The following ADAMTSL1 variants were observed in gnomAD, a reference collection of about 807,000 sequenced individuals.
The protein encoded by ADAMTSL1 is ADAMTS like 1, also known as ADAMTS-like protein 1.
In ADAMTSL1, 126 loss-of-function variants were observed where a neutral mutation model predicts 201.8. The ratio of observed to expected loss-of-function variants is 0.62; its 90% CI spans 0.54 to 0.72. ADAMTSL1 has a LOEUF of 0.72. Among genes scored for constraint, ADAMTSL1 ranks in the 30% least tolerant of loss-of-function variants. The probability of loss-of-function intolerance (pLI) is 0.00; values close to 1 mark genes in which losing one functional copy is unlikely to be tolerated. For missense variants in ADAMTSL1, 2,679 were observed against 2,277.8 expected, an observed-to-expected ratio of 1.18 and a Z score of -3.59; for synonymous variants, 1,121 against 903.4, an observed-to-expected ratio of 1.24 and a Z score of -4.32.
At chr9:18,126,287 A>ATCTTCTTCCCAGATTCT (rs1423510473) in intron 1 of ADAMTSL1, among the ~76,000 whole-genome samples, 4 of 152,246 alleles carry the variant, frequency 2.6e-5, no homozygotes, top group African/African-American at 9.6e-5. Flanking sequence ...CAGATCAAGT[A>ATCTTCTTCCCAGATTCT]TCCCAGAATC....
chr9:18,004,460 A>C (rs1001168455), intron 1 of ADAMTSL1, among the ~76,000 whole-genome samples: 6 of 152,032 alleles, frequency 3.9e-5, no homozygotes, highest in Admixed American at 2.6e-4. Context: ...GTGAAGGCAC[A>C]GAATGATGTG....
intron 1 of ADAMTSL1, among the ~76,000 whole-genome samples, chr9:18,013,417 C>T (rs889764823): frequency 6.6e-6 from 1 of 151,942 alleles, no homozygotes; most frequent in African/African-American, 2.4e-5. Flanking sequence ...ATGCATACAG[C>T]ATGAGAGATG....
intron 13 of ADAMTSL1, among the ~76,000 whole-genome samples, chr9:18,695,009 T>C (rs1365238167): frequency 6.6e-6 from 1 of 152,246 alleles, no homozygotes; most frequent in Admixed American, 6.5e-5. Context: ...GGCTCATGGC[T>C]TGCACCTTCT....
At chr9:18,644,995 G>C (rs1202718220) in intron 7 of ADAMTSL1, among the ~76,000 whole-genome samples, 2 of 152,040 alleles carry the variant, frequency 1.3e-5, no homozygotes, top group African/African-American at 2.4e-5. Context: ...CTAGTTTACA[G>C]TCCCACCAAC....
intron 2 of ADAMTSL1, among the ~76,000 whole-genome samples, chr9:18,367,037 A>G (rs1273021338): frequency 6.6e-6 from 1 of 152,194 alleles, no homozygotes; most frequent in Non-Finnish European, 1.5e-5. Context: ...CCAAGTATTT[A>G]AATAGTAACA....
intron 2 of ADAMTSL1, among the ~76,000 whole-genome samples, chr9:18,402,994 A>T (rs1818043060): frequency 6.6e-6 from 1 of 152,100 alleles, no homozygotes; most frequent in Non-Finnish European, 1.5e-5. Context: ...TTTCTAGATG[A>T]GGAAGCCAGG....
At chr9:18,465,940 G>A (rs1820988390) in intron 2 of ADAMTSL1, among the ~76,000 whole-genome samples, 1 of 151,950 alleles carries the variant, frequency 6.6e-6, no homozygotes, top group Admixed American at 6.6e-5. Flanking sequence ...TAGTAGAGAT[G>A]GGGTTTCACC....
chr9:18,140,310 G>A (rs953385674), intron 1 of ADAMTSL1, among the ~76,000 whole-genome samples: 2 of 152,086 alleles, frequency 1.3e-5, no homozygotes, highest in African/African-American at 4.8e-5. Context: ...GTGATTTGCC[G>A]AGACTCAGGA....
chr9:18,697,753 A>AT (rs1174977115), intron 13 of ADAMTSL1, among the ~76,000 whole-genome samples: 1 of 152,176 alleles, frequency 6.6e-6, no homozygotes, highest in African/African-American at 2.4e-5. Context: ...ATAACTCCTG[A>AT]TTTTTTACTT....
intron 26 of ADAMTSL1, among the ~76,000 whole-genome samples, chr9:18,895,202 C>T (rs968394360): frequency 6.6e-6 from 1 of 152,108 alleles, no homozygotes; most frequent in Admixed American, 6.5e-5. Context: ...TTCAAGAATT[C>T]CCAGTGTAGT....
intron 7 of ADAMTSL1, among the ~76,000 whole-genome samples, chr9:18,656,516 C>A (rs1261912869): frequency 2.0e-5 from 3 of 151,072 alleles, no homozygotes; most frequent in Admixed American, 1.3e-4. Context: ...GTAGTCCCAG[C>A]TACTCGGGAG....
At chr9:18,296,218 A>C (rs537143230) in intron 2 of ADAMTSL1, among the ~76,000 whole-genome samples, 36 of 152,202 alleles carry the variant, frequency 2.4e-4, no homozygotes, top group Admixed American at 4.6e-4. Flanking sequence ...AAAAGCAAAC[A>C]AACAAAACAG....
intron 1 of ADAMTSL1, among the ~76,000 whole-genome samples, chr9:18,029,234 A>G (rs575187790): frequency 6.6e-6 from 1 of 152,164 alleles, no homozygotes; most frequent in East Asian, 1.9e-4. Flanking sequence ...CTCTTTTCCT[A>G]TTTGAATACC....
chr9:18,277,007 T>C (rs944268332), intron 2 of ADAMTSL1, among the ~76,000 whole-genome samples: 1 of 152,208 alleles, frequency 6.6e-6, no homozygotes, highest in Non-Finnish European at 1.5e-5. Flanking sequence ...CTTTGACCGA[T>C]TGGCTATTCA....
chr9:18,132,087 G>T (rs990291214), intron 1 of ADAMTSL1, among the ~76,000 whole-genome samples: 4 of 151,984 alleles, frequency 2.6e-5, no homozygotes, highest in African/African-American at 9.7e-5. Context: ...TTCCTTATGT[G>T]CCCTACCAGC....
chr9:18,079,278 T>G (rs1326646760), intron 1 of ADAMTSL1, among the ~76,000 whole-genome samples: 1 of 152,252 alleles, frequency 6.6e-6, no homozygotes, highest in Non-Finnish European at 1.5e-5. Context: ...TTTTGAAGAT[T>G]TATATTCTGG....
intron 2 of ADAMTSL1, among the ~76,000 whole-genome samples, chr9:18,204,266 A>G (rs141464597): frequency 6.8e-4 from 103 of 152,172 alleles, no homozygotes; most frequent in Middle Eastern, 3.4e-3. Context: ...GGTTTCCCTC[A>G]TGCTGTTCTC....
intron 2 of ADAMTSL1, among the ~76,000 whole-genome samples, chr9:18,277,005 G>T (rs576492768): frequency 1.3e-5 from 2 of 152,090 alleles, no homozygotes; most frequent in Non-Finnish European, 2.9e-5. Context: ...TTCTTTGACC[G>T]ATTGGCTATT....
At chr9:18,260,618 A>G (rs142126027) in intron 2 of ADAMTSL1, among the ~76,000 whole-genome samples, 5 of 152,210 alleles carry the variant, frequency 3.3e-5, no homozygotes, top group Admixed American at 3.3e-4. Flanking sequence ...CTGCTAATGC[A>G]GGGGCCTTGG....
Sources: allele counts gnomAD v4.1 joint callset (sites outside exome capture counted in the v4.1 genomes callset), GRCh38; gene constraint gnomAD v4.1.1; transcripts MANE v1.5; gene names NCBI Gene and HGNC (gene_info 2026-07-23, HGNC 2026-07-21).